The following TRAFD1 variants were observed in gnomAD, a reference collection of about 807,000 sequenced individuals.
TRAFD1 encodes TRAF-type zinc finger domain containing 1.
TRAFD1 carries 38 observed loss-of-function variants against 65.3 expected under a neutral mutation model. The ratio of observed to expected loss-of-function variants is 0.58; its 90% CI spans 0.45 to 0.76. The LOEUF is 0.76. TRAFD1 is among the 30% of genes least tolerant of loss of function. The pLI, the probability that TRAFD1 is intolerant of heterozygous loss-of-function variation, is 0.00. For missense variants in TRAFD1, 631 were observed against 712.6 expected (o/e 0.89, Z 1.30); for synonymous variants, 223 against 257.2 (o/e 0.87, Z 1.27).
intron 4 of TRAFD1, among the ~76,000 whole-genome samples, chr12:112,139,129 G>C (rs2030010997): frequency 6.6e-6 from 1 of 152,070 alleles, no homozygotes; most frequent in Admixed American, 6.6e-5. Flanking sequence ...CTTGAGCCTA[G>C]GAGTTTTGAG....
intron 4 of TRAFD1, among the ~76,000 whole-genome samples, chr12:112,138,413 G>C (rs1373198791): frequency 6.6e-6 from 1 of 151,938 alleles, no homozygotes; most frequent in African/African-American, 2.4e-5. Flanking sequence ...AGCCAGGCAT[G>C]GTGCCGCATG....
At chr12:112,129,952 T>A (rs1481917522) in intron 1 of TRAFD1, among the ~76,000 whole-genome samples, 2 of 146,424 alleles carry the variant, frequency 1.4e-5, no homozygotes, top group Non-Finnish European at 3.0e-5. Context: ...AGGATGTTAT[T>A]ATTATTATTA....
chr12:112,149,529 C>T (rs897110588), intron 8 of TRAFD1: 10 of 451,148 alleles, frequency 2.2e-5, no homozygotes, highest in African/African-American at 4.0e-5. Flanking sequence ...CAGCCCTTCC[C>T]GCATCCCTGC....
intron 1 of TRAFD1, among the ~76,000 whole-genome samples, chr12:112,128,712 CA>C (rs2079552767): frequency 6.6e-6 from 1 of 151,972 alleles, no homozygotes; most frequent in Non-Finnish European, 1.5e-5. Context: ...GAGAAAATAT[CA>C]GACAAACCCA....
chr12:112,140,757 C>G, intron 4 of TRAFD1, 62 bp from the exon 5 acceptor site: 1 of 1,579,308 alleles, frequency 6.3e-7, no homozygotes, highest in South Asian at 1.2e-5. Flanking sequence ...TTTCCTTGCC[C>G]TATACTAAAA....
At chr12:112,146,301 A>G (rs2030243714) in intron 7 of TRAFD1, among the ~76,000 whole-genome samples, 1 of 138,368 alleles carries the variant, frequency 7.2e-6, no homozygotes, top group Admixed American at 7.5e-5. Context: ...CTGAGGTGGG[A>G]GGATTGCTTG....
At position 112,130,654 on chromosome 12, in the gene TRAFD1, T is replaced by C; in HGVS notation, c.47+85T>C. 1.6e-6 allele frequency: 2 copies of C among 1,234,372 alleles called. No individual in the cohort carries two copies. Among genetic ancestry groups the C allele is most frequent in the Non-Finnish European group, 2.3e-6 (2 of 853,304 alleles). 76.5% of individuals were successfully genotyped at this position (1,234,372 alleles called of 1,614,324 possible). On this transcript the variant is annotated intron_variant, in intron 2 of 11. Transcript: ENST00000412615. This position sits in a 1 kb window ranked among gnomAD's most constrained non-coding sequence, Gnocchi z 4.4. ...CATTTCCTGATTTAAAAACTGTTAG[T>C]GAAGACTGGCACAGTCTTGAGTTAA... is the stretch of plus-strand genomic sequence containing the variant.
intron 7 of TRAFD1, among the ~76,000 whole-genome samples, chr12:112,146,987 GTTTTT>G (rs547077120): frequency 3.8e-4 from 20 of 52,526 alleles, no homozygotes; most frequent in African/African-American, 1.6e-3. Context: ...GGGAACTTCT[GTTTTT>G]TTTTTTTTTT....
intron 7 of TRAFD1, among the ~76,000 whole-genome samples, chr12:112,146,313 G>T (rs2030243902): frequency 6.6e-6 from 1 of 150,428 alleles, no homozygotes; most frequent in South Asian, 2.1e-4. Context: ...GATTGCTTGA[G>T]CCCATGAGTT....
intron 2 of TRAFD1, chr12:112,133,003 G>A (rs934709491): frequency 1.1e-4 from 17 of 152,120 alleles, no homozygotes; most frequent in African/African-American, 4.1e-4. Flanking sequence ...ATTTTACAAT[G>A]GTCCTATCCA....
intron 2 of TRAFD1, 67 bp from the exon 3 acceptor site, chr12:112,134,671 C>G: frequency 1.3e-6 from 2 of 1,552,986 alleles, no homozygotes; most frequent in Non-Finnish European, 1.8e-6. Context: ...CCATGTGATG[C>G]CACTGTGCAA....
intron 8 of TRAFD1, chr12:112,149,484 A>C: frequency 3.1e-6 from 1 of 323,210 alleles, no homozygotes; most frequent in Non-Finnish European, 5.8e-6. Context: ...AAACAGAAAA[A>C]AAAAAGAAAT....
Position 112,151,939 on chromosome 12 carries a change from G to T in TRAFD1, c.1418G>T (p.Arg473Ile). ...CTATCGAGATCAACATCAGGCCCCA[G>T]ACCTGGGTGCCAGCCCAGCTCTCCT... ...NQLSRSTSGP[R>I]PGCQPSSPCV... Residue 473 changes from arginine (R) to isoleucine (I), a missense_variant, in exon 10 of 12, where the codon AGA (arginine) becomes ATA (isoleucine). Transcript: ENST00000412615. The T allele has an allele frequency of 6.2e-7, 1 of 1,614,212 alleles. No individual in the cohort carries two copies. The highest frequency in any genetic ancestry group is 8.5e-7 in the Non-Finnish European group (1 of 1,180,040).
chr12:112,147,362 T>C (rs1419294009), intron 7 of TRAFD1, among the ~76,000 whole-genome samples: 1 of 152,156 alleles, frequency 6.6e-6, no homozygotes, highest in Non-Finnish European at 1.5e-5. Context: ...TTTCCACAAC[T>C]ACCAAATAGT....
At chr12:112,141,679 CA>C (rs2030094300) in intron 5 of TRAFD1, among the ~76,000 whole-genome samples, 1 of 152,132 alleles carries the variant, frequency 6.6e-6, no homozygotes, top group Non-Finnish European at 1.5e-5. Context: ...TAGGCATTTG[CA>C]AAGTGCTTTA....
chr12:112,147,832 G>A (rs1004204274), intron 7 of TRAFD1, among the ~76,000 whole-genome samples: 7 of 151,902 alleles, frequency 4.6e-5, no homozygotes, highest in Admixed American at 1.3e-4. Flanking sequence ...CACCACGCCC[G>A]GCTAATTTTT....
At chr12:112,150,590 CTT>C (rs1057445285) in intron 9 of TRAFD1, among the ~76,000 whole-genome samples, 11 of 152,170 alleles carry the variant, frequency 7.2e-5, no homozygotes, top group African/African-American at 2.6e-4. Context: ...GACAGGGTCT[CTT>C]TGTCATCCAG....
At chr12:112,127,796 G>A (rs1471899649) in intron 1 of TRAFD1, among the ~76,000 whole-genome samples, 1 of 151,710 alleles carries the variant, frequency 6.6e-6, no homozygotes, top group Non-Finnish European at 1.5e-5. Flanking sequence ...GGATGGTCTC[G>A]ATCTCCTGAC....
intron 4 of TRAFD1, among the ~76,000 whole-genome samples, chr12:112,136,420 T>C (rs1262702386): frequency 1.3e-5 from 2 of 151,724 alleles, no homozygotes; most frequent in East Asian, 3.9e-4. Context: ...GCTGGGGTTA[T>C]AGGCGTGCTC....
Sources: allele counts gnomAD v4.1 joint callset (sites outside exome capture counted in the v4.1 genomes callset), GRCh38; gene constraint gnomAD v4.1.1; non-coding constraint Gnocchi (gnomAD v3.1); transcripts MANE v1.5; gene names NCBI Gene and HGNC (gene_info 2026-07-23, HGNC 2026-07-21).